Variants in IGF1R observed in about 807,000 individuals in gnomAD.
IGF1R encodes insulin like growth factor 1 receptor, also known as insulin-like growth factor 1 receptor.
Under a neutral mutation model 144.6 loss-of-function variants are expected in IGF1R, and 44 were observed. The ratio of observed to expected loss-of-function variants is 0.30; its 90% CI spans 0.24 to 0.39. IGF1R has a LOEUF of 0.39. IGF1R is among the 10% of genes least tolerant of loss of function. The pLI is 1.00. For synonymous variants in IGF1R, 795 were observed against 722.8 expected (o/e 1.10, Z -1.60); for missense variants, 1,355 against 1,833.7 (o/e 0.74, Z 4.77).
chr15:98,822,603 T>G (rs952250419), intron 2 of IGF1R, among the ~76,000 whole-genome samples: 1 of 152,240 alleles, frequency 6.6e-6, no homozygotes, highest in East Asian at 1.9e-4. Flanking sequence ...ATTCATTCGC[T>G]CATCCATTAA....
At chr15:98,937,467 C>CT (rs2016198480) in intron 17 of IGF1R, among the ~76,000 whole-genome samples, 1 of 152,174 alleles carries the variant, frequency 6.6e-6, no homozygotes, top group African/African-American at 2.4e-5. Context: ...GACAAGATTA[C>CT]TGAAGTCCCT....
At chr15:98,932,266 C>T (rs2015973700) in intron 15 of IGF1R, among the ~76,000 whole-genome samples, 1 of 152,152 alleles carries the variant, frequency 6.6e-6, no homozygotes, top group Non-Finnish European at 1.5e-5. Flanking sequence ...ATTTATTCGG[C>T]CTTTGAGAAG....
chr15:98,957,840 T>G lies in IGF1R; in HGVS notation c.*398T>G. 1 of 296,758 alleles carries G rather than the reference T, an allele frequency of 3.4e-6. No individual in the cohort carries two copies. Among genetic ancestry groups the G allele is most frequent in the Admixed American group, 4.8e-5 (1 of 20,902 alleles). 18.4% of individuals were successfully genotyped at this position (296,758 alleles called of 1,614,324 possible). On this transcript the variant is annotated 3_prime_UTR_variant, in exon 21 of 21. Coordinates refer to ENST00000650285, the MANE Select transcript of IGF1R (RefSeq NM_000875.5). ...CCAGCTGGGAAGCCCTTTTTATCAG[T>G]TTGAGGAAGTGGCTGTCCCTGTGGC...
At position 98,649,301 on chromosome 15, in the gene IGF1R, G is replaced by T; in HGVS notation, c.-281G>T. ...TTTGAAAATGGAGGCCGACGACGCCGACAGCCCGCCCCGGCGCGCCTCGGG... is the reference window on the plus strand; with the variant it reads ...TTTGAAAATGGAGGCCGACGACGCCTACAGCCCGCCCCGGCGCGCCTCGGG... On this transcript the variant is annotated 5_prime_UTR_variant, in exon 1 of 21. Transcript: ENST00000650285. The T allele has an allele frequency of 4.8e-6, 1 of 208,378 alleles. No individual in the cohort carries two copies. The highest frequency in any genetic ancestry group is 1.9e-4 in the South Asian group (1 of 5,386). 12.9% of individuals were successfully genotyped at this position (208,378 alleles called of 1,614,324 possible). A position where few individuals can be genotyped will look rare whatever the true frequency, so the allele number is the denominator to read the frequency against.
rs553033157 is a variant in IGF1R, at chr15:98,650,761, C to T, written c.94+1086C>T. The stretch of plus-strand genomic sequence containing the variant: ...GCCCTGGCCTTGGTTTTGTTGTGGT[C>T]GGCGTCGTGTCGCCCTCTCTTCTGC... On this transcript the variant is annotated intron_variant, in intron 1 of 20. Coordinates refer to ENST00000650285, the MANE Select transcript of IGF1R (RefSeq NM_000875.5). 155 of 359,678 alleles carry T rather than the reference C, an allele frequency of 4.3e-4. 4 individuals are homozygous for T. In the South Asian group the frequency reaches 0.015, roughly 34 times the overall value. The allele number at this position is 359,678 out of a possible 1,614,324, so 22.3% of individuals were successfully genotyped here.
intron 2 of IGF1R, among the ~76,000 whole-genome samples, chr15:98,876,337 A>T (rs893838689): frequency 6.7e-6 from 1 of 149,816 alleles, no homozygotes; most frequent in African/African-American, 2.5e-5. Context: ...AGAGAGAGAG[A>T]GTCTTGAACT....
chr15:98,833,860 A>T lies in IGF1R; in HGVS notation c.641-57465A>T, dbSNP rs562775666. Among the ~76,000 whole-genome samples, 19 of 152,318 alleles carry T rather than the reference A, an allele frequency of 1.2e-4. No homozygotes were observed. The South Asian group carries it at 3.7e-3, about 30-fold the overall frequency. ...TGTTTTTCATAAACATGCTATCTAG[A>T]GGCAGCCAAAAAAATATTCATGCTT... On this transcript the variant is annotated intron_variant, in intron 2 of 20. Transcript: ENST00000650285.
intron 2 of IGF1R, among the ~76,000 whole-genome samples, chr15:98,824,651 C>A (rs1445376316): frequency 6.6e-6 from 1 of 152,192 alleles, no homozygotes; most frequent in African/African-American, 2.4e-5. Flanking sequence ...TGTCTCCCAC[C>A]CCACTGCTGT....
intron 1 of IGF1R, among the ~76,000 whole-genome samples, chr15:98,662,673 G>A (rs890804857): frequency 3.3e-5 from 5 of 152,152 alleles, no homozygotes; most frequent in East Asian, 1.9e-4. Flanking sequence ...GATGCTGACC[G>A]GAGAGAAGTA....
At chr15:98,897,690 C>T (rs2014270891) in intron 4 of IGF1R, among the ~76,000 whole-genome samples, 1 of 152,226 alleles carries the variant, frequency 6.6e-6, no homozygotes, top group Non-Finnish European at 1.5e-5. Flanking sequence ...AATCCTTCTG[C>T]TCAGCCTCCC....
At chr15:98,943,305 G>A (rs571911143) in intron 19 of IGF1R, among the ~76,000 whole-genome samples, 19 of 152,304 alleles carry the variant, frequency 1.2e-4, no homozygotes, top group African/African-American at 3.9e-4. Flanking sequence ...AGCAGATACC[G>A]ATTATGTTTC....
chr15:98,770,590 A>G (rs945272179), intron 2 of IGF1R, among the ~76,000 whole-genome samples: 3 of 152,204 alleles, frequency 2.0e-5, no homozygotes, highest in African/African-American at 7.2e-5. Context: ...TACAAATATC[A>G]CACATCAATA....
chr15:98,717,492 G>A lies in IGF1R; in HGVS notation c.640+9385G>A, dbSNP rs564429844. On this transcript the variant is annotated intron_variant, in intron 2 of 20. Transcript: ENST00000650285. ...TAGAATTTCAATTATTGTAAATAGC[G>A]GGCCATACTGTAGGTGTGGTTCTTG... Among the ~76,000 whole-genome samples the A allele has an allele frequency of 5.9e-5, 9 of 152,182 alleles. No homozygotes were observed. The South Asian group carries it at 1.2e-3, about 21-fold the overall frequency.
intron 1 of IGF1R, among the ~76,000 whole-genome samples, chr15:98,686,584 C>G (rs1311004124): frequency 6.6e-6 from 1 of 151,984 alleles, no homozygotes; most frequent in Non-Finnish European, 1.5e-5. Context: ...TTTATAGTAG[C>G]TATCCATTCT....
intron 20 of IGF1R, among the ~76,000 whole-genome samples, chr15:98,956,461 A>C (rs573330648): frequency 1.5e-3 from 221 of 152,298 alleles, no homozygotes; most frequent in Middle Eastern, 6.8e-3. Context: ...TGCTAGATGG[A>C]GACAGCAGAC....
At position 98,823,402 on chromosome 15, in the gene IGF1R, C is replaced by T. The variant is rs1432169942; in HGVS notation, c.641-67923C>T. Among the ~76,000 whole-genome samples, 5 of 152,226 alleles carry T rather than the reference C, an allele frequency of 3.3e-5. No individual in the cohort carries two copies. In the South Asian group the frequency reaches 6.2e-4, roughly 19 times the overall value. On this transcript the variant is annotated intron_variant, in intron 2 of 20. Transcript: ENST00000650285. Reference sequence around the variant, plus strand: ...TGGTTTAAGCTGTTTCCCTCTTCCCCTCCCACCACCAATCAGCAGCAGACT... The same window carrying T: ...TGGTTTAAGCTGTTTCCCTCTTCCCTTCCCACCACCAATCAGCAGCAGACT...
In IGF1R at chr15:98,891,422, G is replaced by A. The variant is rs763382240; in HGVS notation, c.738G>A (p.Thr246=). The change falls in exon 3 of 21, where the codon ACG becomes ACA. Residue 246 remains threonine (T), a synonymous_variant. Coordinates refer to ENST00000650285, the MANE Select transcript of IGF1R (RefSeq NM_000875.5). This position sits in a 1 kb window ranked among gnomAD's most constrained non-coding sequence, Gnocchi z 4.7. ...LGSCSAPDND[T]ACVACRHYYY... ...GCTGCAGCGCGCCTGACAACGACAC[G>A]GCCTGTGTAGCTTGCCGCCACTACT... 9.9e-6 allele frequency: 16 copies of A among 1,613,660 alleles called. No homozygotes were observed. Among genetic ancestry groups the A allele is most frequent in the Admixed American group, 3.3e-5 (2 of 59,986 alleles).
intron 1 of IGF1R, among the ~76,000 whole-genome samples, chr15:98,665,739 A>G (rs1214344467): frequency 3.3e-5 from 5 of 152,240 alleles, no homozygotes; most frequent in Non-Finnish European, 5.9e-5. Context: ...GGAGCGGCCC[A>G]TGGCTGCCAG....
At chr15:98,912,405 G>A (rs1242742822) in intron 7 of IGF1R, among the ~76,000 whole-genome samples, 6 of 152,180 alleles carry the variant, frequency 3.9e-5, no homozygotes, top group Admixed American at 2.0e-4. Flanking sequence ...AGAAGCCAGC[G>A]GCCAGCAGCT....
Sources: allele counts gnomAD v4.1 joint callset (sites outside exome capture counted in the v4.1 genomes callset), GRCh38; gene constraint gnomAD v4.1.1; non-coding constraint Gnocchi (gnomAD v3.1); transcripts MANE v1.5; gene names NCBI Gene and HGNC (gene_info 2026-07-23, HGNC 2026-07-21).